Variants in SIPA1L2 observed in about 807,000 individuals in gnomAD.
The protein encoded by SIPA1L2 is signal induced proliferation associated 1 like 2.
In SIPA1L2, 56 loss-of-function variants were observed where a neutral mutation model predicts 163.9. The ratio of observed to expected loss-of-function variants is 0.34; its 90% CI spans 0.28 to 0.43. The LOEUF (loss-of-function observed/expected upper bound fraction) is 0.43, where lower values mean the gene tolerates loss of function less well. SIPA1L2 is among the 20% of genes least tolerant of loss of function. The pLI, the probability that SIPA1L2 is intolerant of heterozygous loss-of-function variation, is 1.00. For missense variants in SIPA1L2, 1,974 were observed against 2,193.5 expected (o/e 0.90, Z 2.00); for synonymous variants, 877 against 865.7 (o/e 1.01, Z -0.23).
At chr1:232,498,856 C>T (rs1375801924) in intron 3 of SIPA1L2, among the ~76,000 whole-genome samples, 2 of 152,168 alleles carry the variant, frequency 1.3e-5, no homozygotes, top group Non-Finnish European at 2.9e-5. Flanking sequence ...GTCTCTTTTG[C>T]CATGAGGGAG....
intron 2 of SIPA1L2, among the ~76,000 whole-genome samples, chr1:232,572,968 A>T (rs1659882315): frequency 6.6e-6 from 1 of 151,084 alleles, no homozygotes; most frequent in African/African-American, 2.4e-5. Flanking sequence ...TTTAGTAGAG[A>T]CGGGGTTTCT....
chr1:232,480,658 A>G (rs1014553899), intron 6 of SIPA1L2, among the ~76,000 whole-genome samples: 5 of 152,230 alleles, frequency 3.3e-5, no homozygotes, highest in African/African-American at 1.2e-4. Context: ...ATATACAAAA[A>G]GGAAAATGTA....
intron 1 of SIPA1L2, among the ~76,000 whole-genome samples, chr1:232,580,744 G>C (rs1396628739): frequency 6.6e-6 from 1 of 152,178 alleles, no homozygotes; most frequent in Non-Finnish European, 1.5e-5. Flanking sequence ...GGGCCTTAGA[G>C]AAAGCCTGGC....
rs1330296468 is a variant in SIPA1L2 at position 232,514,704 on chromosome 1, G to C, written c.636C>G (p.Leu212=). Residue 212 remains leucine, a synonymous_variant, in exon 3 of 23, where the codon CTC becomes CTG. Coordinates refer to ENST00000674635, the MANE Select transcript of SIPA1L2 (RefSeq NM_020808.5). ...CATAATTTTCTACTCGGTACCCTCT[G>C]AGCATAGCAAAAAAGTTTTCACCAG... ...GLSGENFFAM[L]RGYRVENYDH... is the part of the protein sequence containing the mutation. The C allele has an allele frequency of 1.2e-6, 2 of 1,614,056 alleles. No homozygotes were observed. The highest frequency in any genetic ancestry group is 2.7e-5 in the African/African-American group (2 of 74,932).
chr1:232,584,487 A>G (rs1314578025), intron 1 of SIPA1L2, among the ~76,000 whole-genome samples: 5 of 152,224 alleles, frequency 3.3e-5, no homozygotes, highest in African/African-American at 1.2e-4. Flanking sequence ...TAGTCCAATC[A>G]TATTTCTGCA....
At chr1:232,475,716 T>C (rs1665011830) in intron 7 of SIPA1L2, among the ~76,000 whole-genome samples, 2 of 152,218 alleles carry the variant, frequency 1.3e-5, no homozygotes, top group Non-Finnish European at 2.9e-5. Flanking sequence ...TTCATATAAT[T>C]ATGATATTTT....
intron 10 of SIPA1L2, among the ~76,000 whole-genome samples, chr1:232,449,783 C>G (rs1460820082): frequency 7.2e-6 from 1 of 139,576 alleles, no homozygotes; most frequent in African/African-American, 2.6e-5. Flanking sequence ...AGTAAGCCTA[C>G]GGTTCTGGGG....
At chr1:232,466,120 A>G (rs1162833480) in intron 8 of SIPA1L2, among the ~76,000 whole-genome samples, 4 of 152,294 alleles carry the variant, frequency 2.6e-5, no homozygotes, top group African/African-American at 9.6e-5. Flanking sequence ...CTGGCACTCT[A>G]TAACTCTGTG....
rs200251706 is a variant in SIPA1L2 at position 232,432,352 on chromosome 1, G to A, written c.4151C>T (p.Ser1384Phe). The A allele has an allele frequency of 6.2e-7, 1 of 1,614,180 alleles. No individual in the cohort carries two copies. The highest frequency in any genetic ancestry group is 8.5e-7 in the Non-Finnish European group (1 of 1,180,026). The change falls in exon 16 of 23, where the codon TCC becomes TTC. Residue 1384 changes from serine to phenylalanine, a missense_variant. Transcript: ENST00000674635. Reference protein sequence around the residue: ...SSGQQVPGSMSKPYHRQGAVN... With the variant: ...SSGQQVPGSMFKPYHRQGAVN... ...TGCCCCTTGTCTGTGGTAGGGCTTGGACATGGACCCGGGAACCTGTTGTCC... is the reference window on the plus strand; with the variant it reads ...TGCCCCTTGTCTGTGGTAGGGCTTGAACATGGACCCGGGAACCTGTTGTCC...
At chr1:232,573,051 G>A (rs960463662) in intron 2 of SIPA1L2, among the ~76,000 whole-genome samples, 9 of 151,980 alleles carry the variant, frequency 5.9e-5, no homozygotes, top group African/African-American at 2.2e-4. Flanking sequence ...AAAATGCTGG[G>A]ATTACAGGTT....
At position 232,468,384 on chromosome 1, in the gene SIPA1L2, A is replaced by T. The variant is rs16857272; in HGVS notation, c.2244-2968T>A. Among the ~76,000 whole-genome samples the T allele has an allele frequency of 0.035, 5,298 of 152,300 alleles. 956 individuals carry two copies. The East Asian group carries it at 0.57, about 16-fold the overall frequency. ...GCCTGCTGGCCAAAGGACAATAAAG[A>T]AAGGTGTGAGGAGCAAACTGGAGTC... On this transcript the variant is annotated intron_variant, in intron 8 of 22. Coordinates refer to ENST00000674635, the MANE Select transcript of SIPA1L2 (RefSeq NM_020808.5).
chr1:232,438,830 A>G (rs1285928255), intron 15 of SIPA1L2, among the ~76,000 whole-genome samples: 2 of 152,184 alleles, frequency 1.3e-5, no homozygotes, highest in East Asian at 1.9e-4. Flanking sequence ...GGAGAGAGAC[A>G]TAAGTGGCCT....
rs1191482845 is a variant in SIPA1L2, at chr1:232,493,633, T to G, written c.1511A>C (p.Glu504Ala). 6.2e-7 allele frequency: 1 copy of G among 1,614,146 alleles called. No homozygotes were observed. The highest frequency in any genetic ancestry group is 1.1e-5 in the South Asian group (1 of 91,080). Residue 504 changes from glutamate (E) to alanine (A), a missense_variant, in exon 4 of 23, where the codon GAA (glutamate) becomes GCA (alanine). Coordinates refer to ENST00000674635, the MANE Select transcript of SIPA1L2 (RefSeq NM_020808.5). ...GCTGACTGCTACTGGACCAAGGTTT[T>G]CATCTATTCCAAAGTAGTTTTGGTG... ...KEHQNYFGIDENLGPVAVSIR... is the reference protein window; with the variant it reads ...KEHQNYFGIDANLGPVAVSIR...
intron 1 of SIPA1L2, among the ~76,000 whole-genome samples, chr1:232,627,229 G>T (rs955393197): frequency 6.6e-6 from 1 of 152,140 alleles, no homozygotes; most frequent in African/African-American, 2.4e-5. Flanking sequence ...TATGGTTGGG[G>T]GCAAGGGGCT....
chr1:232,453,937 G>A (rs955481246), intron 10 of SIPA1L2, among the ~76,000 whole-genome samples: 2 of 152,020 alleles, frequency 1.3e-5, no homozygotes, highest in African/African-American at 4.8e-5. Flanking sequence ...AGTAATCACT[G>A]ATATTTTAAT....
rs1407257902 is a variant in SIPA1L2 at position 232,479,619 on chromosome 1, G to A, written c.2085+8C>T. ...AGCGTAAAAAGCTCCAGGCTGGGGA[G>A]GACATACCTGTTGTCTGTTGTTGGG... On this transcript the variant is annotated splice_region_variant and intron_variant, in intron 7 of 22. Transcript: ENST00000674635. The A allele has an allele frequency of 6.2e-7, 1 of 1,609,904 alleles. No homozygotes were observed. The highest frequency in any genetic ancestry group is 8.5e-7 in the Non-Finnish European group (1 of 1,176,410).
intron 18 of SIPA1L2, among the ~76,000 whole-genome samples, chr1:232,420,617 C>T (rs963910380): frequency 2.6e-5 from 4 of 152,102 alleles, no homozygotes; most frequent in African/African-American, 7.2e-5. Flanking sequence ...GGGCGGATCA[C>T]GAGATCAGGA....
intron 1 of SIPA1L2, among the ~76,000 whole-genome samples, chr1:232,575,369 G>A (rs998550109): frequency 3.9e-5 from 6 of 152,102 alleles, no homozygotes; most frequent in Admixed American, 2.0e-4. Context: ...AAACTATAAG[G>A]TCACCTACCG....
chr1:232,402,569 A>G (rs1660410821), intron 21 of SIPA1L2, 96 bp from the exon 22 acceptor site: 5 of 948,694 alleles, frequency 5.3e-6, no homozygotes, highest in Non-Finnish European at 6.4e-6. Context: ...TCATGTGCTT[A>G]GAGCCCAGCA....
Sources: gnomAD v4.1 joint callset for allele counts (sites outside exome capture counted in the v4.1 genomes callset) on GRCh38, gnomAD v4.1.1 for gene constraint, MANE v1.5 for transcripts, NCBI Gene and HGNC (gene_info 2026-07-23, HGNC 2026-07-21) for gene names.